Variants in DPP10 observed in about 807,000 individuals in gnomAD.
DPP10 encodes the protein inactive dipeptidyl peptidase 10.
A neutral mutation model predicts 120.9 loss-of-function variants in DPP10; 33 were observed. The observed-to-expected ratio is 0.27, with a 90% CI of 0.21 to 0.37. The LOEUF (loss-of-function observed/expected upper bound fraction) is 0.37, where lower values mean the gene tolerates loss of function less well. DPP10 is among the 10% of genes least tolerant of loss of function. The pLI is 1.00. For synonymous variants in DPP10, 337 were observed against 326.1 expected, an observed-to-expected ratio of 1.03 and a Z score of -0.36; for missense variants, 816 against 942.8, an observed-to-expected ratio of 0.87 and a Z score of 1.76.
chr2:115,356,945 T>C (rs1263270339), intron 3 of DPP10, among the ~76,000 whole-genome samples: 1 of 152,204 alleles, frequency 6.6e-6, no homozygotes, highest in Non-Finnish European at 1.5e-5. Flanking sequence ...CTCTCCTAAC[T>C]GCTTTCTATA....
At chr2:115,765,103 G>A (rs1680557854) in intron 12 of DPP10, among the ~76,000 whole-genome samples, 1 of 152,000 alleles carries the variant, frequency 6.6e-6, no homozygotes, top group African/African-American at 2.4e-5. Context: ...GTGTGGAGCT[G>A]AATGTTTATC....
chr2:114,577,889 C>T (rs994779695), intron 1 of DPP10, among the ~76,000 whole-genome samples: 2 of 152,148 alleles, frequency 1.3e-5, no homozygotes, highest in African/African-American at 4.8e-5. Flanking sequence ...TCCCAAATGT[C>T]CCCCTTATGA....
intron 5 of DPP10, among the ~76,000 whole-genome samples, chr2:115,623,895 T>G (rs2085164933): frequency 6.8e-6 from 1 of 147,310 alleles, no homozygotes; most frequent in Non-Finnish European, 1.5e-5. Context: ...AGAACATTGT[T>G]GGTCAAGAAT....
chr2:115,343,308 G>A (rs1369632573), intron 2 of DPP10, among the ~76,000 whole-genome samples: 2 of 151,868 alleles, frequency 1.3e-5, no homozygotes, highest in African/African-American at 4.8e-5. Flanking sequence ...GTATTTGTTG[G>A]GTACTAATTT....
At chr2:115,499,666 G>A (rs1173294576) in intron 4 of DPP10, 62 bp downstream of exon 4, 2 of 1,234,190 alleles carry the variant, frequency 1.6e-6, no homozygotes, top group South Asian at 1.5e-5. Context: ...CTCTCTAGAT[G>A]TACATAACTT....
intron 2 of DPP10, among the ~76,000 whole-genome samples, chr2:115,337,078 G>A (rs2063183868): frequency 6.6e-6 from 1 of 151,278 alleles, no homozygotes; most frequent in Non-Finnish European, 1.5e-5. Context: ...TAAATTGCCT[G>A]TAACAATGAG....
chr2:114,605,962 G>C (rs1435268925), intron 1 of DPP10, among the ~76,000 whole-genome samples: 1 of 152,076 alleles, frequency 6.6e-6, no homozygotes, highest in Non-Finnish European at 1.5e-5. Flanking sequence ...TAACTTGCCT[G>C]TTTGGAAGCC....
chr2:115,753,576 T>A (rs914626742), intron 11 of DPP10, among the ~76,000 whole-genome samples: 1 of 152,164 alleles, frequency 6.6e-6, no homozygotes, highest in Non-Finnish European at 1.5e-5. Flanking sequence ...CACGTTAGCT[T>A]CTTTCTCAGA....
At position 114,883,321 on chromosome 2, in the gene DPP10, A is replaced by G. The variant is rs373477499; in HGVS notation, c.61-425918A>G. On this transcript the variant is annotated intron_variant, in intron 1 of 25. Coordinates refer to ENST00000410059, the MANE Select transcript of DPP10 (RefSeq NM_020868.6). ...AGTCACAGGATCACACATGGCACCC[A>G]GAGAACACTCGGGACTCAACAAGTG... Among the ~76,000 whole-genome samples the G allele has an allele frequency of 3.0e-4, 45 of 152,360 alleles. 1 individual carries two copies. Among genetic ancestry groups the G allele is most frequent in the African/African-American group, 1.0e-3 (43 of 41,576 alleles).
At chr2:115,819,515 C>T (rs981623773) in intron 21 of DPP10, among the ~76,000 whole-genome samples, 4 of 152,112 alleles carry the variant, frequency 2.6e-5, no homozygotes, top group Admixed American at 6.6e-5. Context: ...TGTCTCTCCT[C>T]CATCCCTCTT....
At chr2:114,617,700 G>A (rs1237118354) in intron 1 of DPP10, among the ~76,000 whole-genome samples, 1 of 152,062 alleles carries the variant, frequency 6.6e-6, no homozygotes, top group Non-Finnish European at 1.5e-5. Flanking sequence ...TTTTATACTT[G>A]TTTTCACTTA....
At chr2:114,795,767 A>G (rs956761153) in intron 1 of DPP10, among the ~76,000 whole-genome samples, 2 of 152,224 alleles carry the variant, frequency 1.3e-5, no homozygotes, top group Non-Finnish European at 2.9e-5. Context: ...TCATGAATGC[A>G]TAAAATGTAT....
chr2:114,716,049 C>CT (rs1175323884), intron 1 of DPP10, among the ~76,000 whole-genome samples: 10 of 150,022 alleles, frequency 6.7e-5, no homozygotes, highest in South Asian at 2.1e-4. Flanking sequence ...AAATGATTGT[C>CT]TTTTTTTTAA....
intron 1 of DPP10, among the ~76,000 whole-genome samples, chr2:114,661,638 CT>C (rs1251935822): frequency 6.6e-6 from 1 of 152,224 alleles, no homozygotes; most frequent in African/African-American, 2.4e-5. Flanking sequence ...GGATCTCTGT[CT>C]TTTTTGTTGC....
At chr2:114,543,790 A>G (rs1487034436) in intron 1 of DPP10, among the ~76,000 whole-genome samples, 2 of 151,498 alleles carry the variant, frequency 1.3e-5, no homozygotes, top group African/African-American at 4.9e-5. Context: ...ACTGCCCAGC[A>G]TCTGCTTTGA....
intron 3 of DPP10, among the ~76,000 whole-genome samples, chr2:115,351,075 G>A (rs1364563592): frequency 6.6e-6 from 1 of 152,044 alleles, no homozygotes; most frequent in Non-Finnish European, 1.5e-5. Flanking sequence ...ACATTTGCAT[G>A]TTCTTTGCAG....
At position 115,397,047 on chromosome 2, in the gene DPP10, G is replaced by C. The variant is rs149109096; in HGVS notation, c.271+53135G>C. ...TCAAGTGTTCTTATTTGCAAAACATGATGTGAACATTGACAGAAATCCTTA... is the reference window on the plus strand; with the variant it reads ...TCAAGTGTTCTTATTTGCAAAACATCATGTGAACATTGACAGAAATCCTTA... On this transcript the variant is annotated intron_variant, in intron 3 of 25. Coordinates refer to ENST00000410059, the MANE Select transcript of DPP10 (RefSeq NM_020868.6). Among the ~76,000 whole-genome samples, 631 of 152,306 alleles carry C rather than the reference G, an allele frequency of 4.1e-3. 4 individuals are homozygous for C. Among genetic ancestry groups the C allele is most frequent in the South Asian group, 0.03 (144 of 4,832 alleles).
chr2:115,564,281 T>G (rs555268362), intron 5 of DPP10, among the ~76,000 whole-genome samples: 1 of 152,016 alleles, frequency 6.6e-6, no homozygotes, highest in South Asian at 2.1e-4. Flanking sequence ...ATTTTTATTT[T>G]ATTTTTATCC....
intron 12 of DPP10, among the ~76,000 whole-genome samples, chr2:115,766,310 G>GTATATA (rs1221483510): frequency 4.9e-5 from 4 of 81,734 alleles, no homozygotes; most frequent in African/African-American, 1.7e-4. Context: ...GTGTGTGTGT[G>GTATATA]TATATATATA....
Sources: gnomAD v4.1 joint callset for allele counts (sites outside exome capture counted in the v4.1 genomes callset) on GRCh38, gnomAD v4.1.1 for gene constraint, MANE v1.5 for transcripts, NCBI Gene and HGNC (gene_info 2026-07-23, HGNC 2026-07-21) for gene names.